Variants in MAP3K13 observed in about 807,000 individuals in gnomAD.
The protein encoded by MAP3K13 is mitogen-activated protein kinase kinase kinase 13.
A neutral mutation model predicts 104.0 loss-of-function variants in MAP3K13; 52 were observed. The observed-to-expected ratio is 0.50, with a 90% CI of 0.40 to 0.63. The LOEUF (loss-of-function observed/expected upper bound fraction) is 0.63, where lower values mean the gene tolerates loss of function less well. Among genes scored for constraint, MAP3K13 ranks in the 20% least tolerant of loss-of-function variants. The pLI, the probability that MAP3K13 is intolerant of heterozygous loss-of-function variation, is 0.00. For missense variants in MAP3K13, 914 were observed against 1,218.5 expected, an observed-to-expected ratio of 0.75 and a Z score of 3.72; for synonymous variants, 394 against 442.2, an observed-to-expected ratio of 0.89 and a Z score of 1.37.
At chr3:185,344,243 G>GT (rs1281293086) in intron 2 of MAP3K13, among the ~76,000 whole-genome samples, 1 of 152,136 alleles carries the variant, frequency 6.6e-6, no homozygotes, top group Non-Finnish European at 1.5e-5. Flanking sequence ...GGTATATAGT[G>GT]TTTTTTCAAG....
At position 185,347,960 on chromosome 3, in the gene MAP3K13, C is replaced by T. The variant is rs1186692413; in HGVS notation, c.-86+62317C>T. Among the ~76,000 whole-genome samples, 3 of 144,440 alleles carry T rather than the reference C, an allele frequency of 2.1e-5. No homozygotes were observed. The Admixed American group carries it at 2.1e-4, about 10-fold the overall frequency. 94.8% of individuals were successfully genotyped at this position (144,440 alleles called of 152,430 possible). On this transcript the variant is annotated intron_variant, in intron 2 of 14. Transcript: ENST00000424227. Reference sequence around the variant, plus strand: ...CTGGGAGGCGGCGGTTGCAGTGAGCCGAGATTGCATCATTGCACTCCATCC... The same window carrying T: ...CTGGGAGGCGGCGGTTGCAGTGAGCTGAGATTGCATCATTGCACTCCATCC...
intron 2 of MAP3K13, among the ~76,000 whole-genome samples, chr3:185,308,960 GT>G: frequency 6.6e-6 from 1 of 152,158 alleles, no homozygotes; most frequent in African/African-American, 2.4e-5. Flanking sequence ...GCCATATGTT[GT>G]TGTTAAGTCA....
intron 2 of MAP3K13, among the ~76,000 whole-genome samples, chr3:185,330,945 C>G (rs1722243188): frequency 6.6e-6 from 1 of 152,126 alleles, no homozygotes; most frequent in African/African-American, 2.4e-5. Context: ...CTAGAAAGCT[C>G]TTCCCCCTCA....
At chr3:185,323,410 C>T (rs559287204) in intron 2 of MAP3K13, among the ~76,000 whole-genome samples, 5 of 148,586 alleles carry the variant, frequency 3.4e-5, no homozygotes, top group Non-Finnish European at 5.9e-5. Flanking sequence ...GATCTTGGCT[C>T]ACCGCAACCT....
Position 185,485,596 on chromosome 3 carries a change from C to G in MAP3K13, c.*3140C>G, listed in dbSNP as rs924540908. On this transcript the variant is annotated 3_prime_UTR_variant, in exon 14 of 14. Transcript: ENST00000265026. ...CAGTCTCGGTGATCAGATCGACTGT[C>G]TCGGTTATCAGATGACTGTATCGCA... 1.3e-5 allele frequency: 2 copies of G among 152,114 alleles called. No homozygotes were observed. The highest frequency in any genetic ancestry group is 3.9e-4 in the East Asian group (2 of 5,176). 9.4% of individuals were successfully genotyped at this position (152,114 alleles called of 1,614,324 possible). A position where few individuals can be genotyped will look rare whatever the true frequency, so the allele number is the denominator to read the frequency against.
chr3:185,447,334 T>C (rs1419649475), intron 4 of MAP3K13, among the ~76,000 whole-genome samples: 1 of 150,952 alleles, frequency 6.6e-6, no homozygotes, highest in Non-Finnish European at 1.5e-5. Flanking sequence ...CTACTAAAAA[T>C]ACAAAAATTA....
intron 2 of MAP3K13, among the ~76,000 whole-genome samples, chr3:185,324,790 A>G (rs1476603155): frequency 1.5e-5 from 2 of 136,362 alleles, no homozygotes; most frequent in African/African-American, 5.2e-5. Flanking sequence ...AATGATAATC[A>G]CTAAGAACCG....
intron 1 of MAP3K13, among the ~76,000 whole-genome samples, chr3:185,410,895 G>A (rs1270044027): frequency 6.7e-6 from 1 of 149,286 alleles, no homozygotes; most frequent in Non-Finnish European, 1.5e-5. Flanking sequence ...AGATCACACC[G>A]CTGCACTCCA....
intron 7 of MAP3K13, among the ~76,000 whole-genome samples, chr3:185,458,604 G>A (rs555430563): frequency 6.6e-6 from 1 of 152,252 alleles, no homozygotes; most frequent in South Asian, 2.1e-4. Context: ...TGCCCCAGTA[G>A]GGAAGACCTG....
chr3:185,358,861 T>C (rs1723485041), upstream of MAP3K13, among the ~76,000 whole-genome samples: 2 of 152,170 alleles, frequency 1.3e-5, no homozygotes, highest in African/African-American at 4.8e-5. Flanking sequence ...AGCTGCTTTT[T>C]AAAAACAATG....
chr3:185,300,189 C>CTTT (rs1273008667), intron 2 of MAP3K13, among the ~76,000 whole-genome samples: 2 of 123,426 alleles, frequency 1.6e-5, no homozygotes, highest in Non-Finnish European at 3.5e-5. Context: ...TCCTTCTTTT[C>CTTT]TTTTTTTTTT....
intron 7 of MAP3K13, among the ~76,000 whole-genome samples, chr3:185,452,421 G>A (rs748631235): frequency 6.6e-6 from 1 of 151,938 alleles, no homozygotes; most frequent in African/African-American, 2.4e-5. Context: ...TTTTTTGGTA[G>A]AGATGTGGTT....
At chr3:185,412,898 C>G (rs1713531154) in intron 1 of MAP3K13, among the ~76,000 whole-genome samples, 1 of 152,148 alleles carries the variant, frequency 6.6e-6, no homozygotes, top group Non-Finnish European at 1.5e-5. Context: ...CCTTTTCCTC[C>G]ATTAGCCCTC....
intron 5 of MAP3K13, among the ~76,000 whole-genome samples, chr3:185,448,756 T>A (rs1223352213): frequency 6.6e-6 from 1 of 152,204 alleles, no homozygotes; most frequent in Admixed American, 6.5e-5. Flanking sequence ...AACTCTTGGA[T>A]TTTTGCCAAT....
At chr3:185,340,997 A>G (rs1722700174) in intron 2 of MAP3K13, among the ~76,000 whole-genome samples, 1 of 151,938 alleles carries the variant, frequency 6.6e-6, no homozygotes, top group South Asian at 2.1e-4. Flanking sequence ...CTGACTTCAT[A>G]TTAACTTAAC....
chr3:185,452,208 C>T (rs1715929603), intron 7 of MAP3K13, among the ~76,000 whole-genome samples: 1 of 151,872 alleles, frequency 6.6e-6, no homozygotes, highest in African/African-American at 2.4e-5. Context: ...TACTACAAAC[C>T]ATCTCAAAAC....
intron 2 of MAP3K13, among the ~76,000 whole-genome samples, chr3:185,293,349 C>T (rs557170450): frequency 6.6e-6 from 1 of 151,942 alleles, no homozygotes; most frequent in Non-Finnish European, 1.5e-5. Context: ...AATTCCTGAC[C>T]TCAGGTGATC....
At chr3:185,345,919 G>C (rs1722905226) in intron 2 of MAP3K13, among the ~76,000 whole-genome samples, 1 of 148,058 alleles carries the variant, frequency 6.8e-6, no homozygotes, top group Non-Finnish European at 1.5e-5. Context: ...TGCTGACATA[G>C]TGTATTACAG....
intron 1 of MAP3K13, among the ~76,000 whole-genome samples, chr3:185,399,800 G>A (rs900828121): frequency 6.6e-6 from 1 of 151,868 alleles, no homozygotes; most frequent in South Asian, 2.1e-4. Flanking sequence ...GCCTGATGGC[G>A]TATAGGAAAG....
Sources: allele counts gnomAD v4.1 joint callset (sites outside exome capture counted in the v4.1 genomes callset), GRCh38; gene constraint gnomAD v4.1.1; transcripts MANE v1.5; gene names NCBI Gene and HGNC (gene_info 2026-07-23, HGNC 2026-07-21).